SLC71A2: variants seen among roughly 807,000 people sequenced by gnomAD.
SLC71A2 encodes hippocampus abundant transcript-like 1.
the SLC71A2 span, among the ~76,000 whole-genome samples, chr9:94,392,625 C>G: frequency 6.6e-6 from 1 of 152,074 alleles, no homozygotes; most frequent in Non-Finnish European, 1.5e-5. Flanking sequence ...CTCAGCCTCC[C>G]AAGTAGCTGG....
the SLC71A2 span, among the ~76,000 whole-genome samples, chr9:94,457,113 C>T: frequency 6.6e-6 from 1 of 152,224 alleles, no homozygotes; most frequent in African/African-American, 2.4e-5. Flanking sequence ...TAGAGACGCA[C>T]ACTACCATGC....
At chr9:94,419,298 C>CTTT in the SLC71A2 span, among the ~76,000 whole-genome samples, 15 of 132,658 alleles carry the variant, frequency 1.1e-4, no homozygotes, top group Admixed American at 1.6e-4. Flanking sequence ...ACTTTTTTTT[C>CTTT]TTTTTTTTTT....
chr9:94,459,073 G>C, the SLC71A2 span: 1 of 1,333,718 alleles, frequency 7.5e-7, no homozygotes, highest in Middle Eastern at 1.9e-4. Context: ...CTTTTTGGTG[G>C]TGTGTTTTTT....
chr9:94,419,506 C>T, the SLC71A2 span, among the ~76,000 whole-genome samples: 1 of 152,020 alleles, frequency 6.6e-6, no homozygotes. Context: ...AGGGTTTCAC[C>T]GTGTTAGCCA....
the SLC71A2 span, chr9:94,454,063 C>G: frequency 1.2e-6 from 2 of 1,610,570 alleles, no homozygotes; most frequent in East Asian, 2.2e-5. Context: ...TTTTGGATCA[C>G]AGGCCTGGTA....
the SLC71A2 span, among the ~76,000 whole-genome samples, chr9:94,452,662 TATATTCATATATATTC>T: frequency 0.31 from 21,567 of 69,390 alleles, 1,851 homozygotes; most frequent in African/African-American, 0.52. Flanking sequence ...TATATTCATA[TATATTCATATATATTC>T]ATATATTCAT....
chr9:94,409,416 C>G, the SLC71A2 span, among the ~76,000 whole-genome samples: 1 of 150,422 alleles, frequency 6.6e-6, no homozygotes, highest in African/African-American at 2.5e-5. Context: ...CCTTGACCCC[C>G]CAAAGTGCTA....
chr9:94,398,730 C>T, the SLC71A2 span, among the ~76,000 whole-genome samples: 2 of 136,448 alleles, frequency 1.5e-5, no homozygotes, highest in Non-Finnish European at 3.1e-5. Flanking sequence ...CTTTAAGGCC[C>T]AGGAAAGGCC....
the SLC71A2 span, chr9:94,451,362 A>C: frequency 8.3e-6 from 5 of 604,666 alleles, no homozygotes; most frequent in Non-Finnish European, 1.3e-5. Context: ...TGGTTTTATG[A>C]ATTTTCCTAG....
the SLC71A2 span, among the ~76,000 whole-genome samples, chr9:94,397,619 A>G: frequency 6.6e-6 from 1 of 152,102 alleles, no homozygotes; most frequent in Non-Finnish European, 1.5e-5. Flanking sequence ...ACTACATTAC[A>G]TTTAGTTGTT....
chr9:94,442,356 ACT>A, the SLC71A2 span, among the ~76,000 whole-genome samples: 1 of 151,738 alleles, frequency 6.6e-6, no homozygotes, highest in East Asian at 1.9e-4. Flanking sequence ...TTTGAAAACT[ACT>A]CTTTCAACCC....
chr9:94,453,148 CTTTT>C, the SLC71A2 span, among the ~76,000 whole-genome samples: 13 of 124,720 alleles, frequency 1.0e-4, no homozygotes, highest in Admixed American at 8.3e-5. Context: ...ACTCAGCCAT[CTTTT>C]TTTTTTTTTT....
At chr9:94,422,906 T>A in the SLC71A2 span, among the ~76,000 whole-genome samples, 5 of 151,172 alleles carry the variant, frequency 3.3e-5, no homozygotes, top group Non-Finnish European at 7.4e-5. Context: ...TATTGATATA[T>A]TTTCCTTATT....
chr9:94,418,451 G>GT, the SLC71A2 span, among the ~76,000 whole-genome samples: 13 of 151,818 alleles, frequency 8.6e-5, no homozygotes, highest in African/African-American at 1.4e-4. Flanking sequence ...CACATACTTT[G>GT]TTTTTTTTGG....
the SLC71A2 span, among the ~76,000 whole-genome samples, chr9:94,405,920 A>G: frequency 6.7e-6 from 1 of 150,186 alleles, no homozygotes; most frequent in African/African-American, 2.5e-5. Flanking sequence ...CTTTAAATCC[A>G]TGAACATGGG....
At chr9:94,460,592 G>A in the SLC71A2 span, 2 of 149,424 alleles carry the variant, frequency 1.3e-5, no homozygotes, top group Non-Finnish European at 3.0e-5. Flanking sequence ...ACCAGTAAAT[G>A]GACCATTAAC....
chr9:94,417,814 C>T, the SLC71A2 span, among the ~76,000 whole-genome samples: 28 of 149,162 alleles, frequency 1.9e-4, no homozygotes, highest in Admixed American at 1.9e-3. Flanking sequence ...TTTACTGTCC[C>T]TTTACTCCTT....
the SLC71A2 span, among the ~76,000 whole-genome samples, chr9:94,391,197 C>CAAAAAA: frequency 1.7e-5 from 1 of 59,076 alleles, no homozygotes. Flanking sequence ...ATGTCTCTAC[C>CAAAAAA]AAAAAAAAAA....
the SLC71A2 span, among the ~76,000 whole-genome samples, chr9:94,394,140 G>A: frequency 7.3e-6 from 1 of 137,258 alleles, no homozygotes; most frequent in East Asian, 2.2e-4. Flanking sequence ...TTAATAAATT[G>A]TTTGAAAAGT....
Sources: gnomAD v4.1 joint callset for allele counts (sites outside exome capture counted in the v4.1 genomes callset) on GRCh38, gnomAD v4.1.1 for gene constraint, MANE v1.5 for transcripts, NCBI Gene and HGNC (gene_info 2026-07-23, HGNC 2026-07-21) for gene names.